The following TGM3 variants were observed in gnomAD, a reference collection of about 807,000 sequenced individuals.
The protein encoded by TGM3 is transglutaminase 3.
TGM3 carries 52 observed loss-of-function variants against 73.8 expected under a neutral mutation model. That is an observed-to-expected ratio of 0.70 (90% CI 0.56 to 0.89). The LOEUF (loss-of-function observed/expected upper bound fraction) is 0.89. Among genes scored for constraint, TGM3 ranks in the 40% least tolerant of loss-of-function variants. The pLI, the probability that TGM3 is intolerant of heterozygous loss-of-function variation, is 0.00. For missense variants in TGM3, 928 were observed against 909.9 expected (o/e 1.02, Z -0.26); for synonymous variants, 372 against 354.9 (o/e 1.05, Z -0.54).
At chr20:2,337,220 G>C (rs557043477) in intron 11 of TGM3, among the ~76,000 whole-genome samples, 1 of 152,144 alleles carries the variant, frequency 6.6e-6, no homozygotes, top group Admixed American at 6.5e-5. Flanking sequence ...ATTCTTCCCT[G>C]CACAGGAAAG....
At chr20:2,313,047 C>A in intron 5 of TGM3, 21 bp downstream of exon 5, 1 of 1,613,868 alleles carries the variant, frequency 6.2e-7, no homozygotes, top group Non-Finnish European at 8.5e-7. Context: ...GGAAAACGAT[C>A]ACAGCTAGTT....
chr20:2,309,818 A>G lies in TGM3; in HGVS notation c.169A>G (p.Ile57Val), dbSNP rs1380515605. ...TGGCTCTAACGAAAGACTGGAGTTC[A>G]TTGTCTCCACAGGTACCTGCTCATT... ...GLGSNERLEF[I>V]VSTGPYPSES... Residue 57 changes from isoleucine (I) to valine (V), a missense_variant, in exon 2 of 13, where the codon ATT becomes GTT. Ile to Val is a conservative substitution (Grantham distance 29). Coordinates refer to ENST00000381458, the MANE Select transcript of TGM3 (RefSeq NM_003245.4). The G allele has an allele frequency of 2.7e-5, 44 of 1,614,210 alleles. No homozygotes were observed. The highest frequency in any genetic ancestry group is 3.7e-5 in the Non-Finnish European group (44 of 1,180,022).
At chr20:2,317,043 T>C (rs2084237040) in intron 5 of TGM3, 25 bp from the exon 6 acceptor site, 1 of 1,610,958 alleles carries the variant, frequency 6.2e-7, no homozygotes, top group Non-Finnish European at 8.5e-7. Context: ...TGCTGACTCA[T>C]TTTGGGGGGG....
At chr20:2,327,520 G>A (rs976432908) in intron 8 of TGM3, among the ~76,000 whole-genome samples, 1 of 152,132 alleles carries the variant, frequency 6.6e-6, no homozygotes, top group African/African-American at 2.4e-5. Flanking sequence ...TTAGACTAAA[G>A]ACCATTGTCC....
In TGM3 at chr20:2,313,095, G is replaced by A. The variant is rs967857966; in HGVS notation, c.669+69G>A. On this transcript the variant is annotated intron_variant, in intron 5 of 12. Coordinates refer to ENST00000381458, the MANE Select transcript of TGM3 (RefSeq NM_003245.4). ...TGAACACCACCTATGAGCTAGGCAC[G>A]CACACTCTTTACATATGTCATCTCA... 706 of 1,591,824 alleles carry A rather than the reference G, an allele frequency of 4.4e-4. 1 individual carries two copies. Among genetic ancestry groups the A allele is most frequent in the Non-Finnish European group, 5.5e-4 (647 of 1,166,312 alleles).
chr20:2,333,202 C>T (rs1345362694), intron 10 of TGM3, among the ~76,000 whole-genome samples: 1 of 152,098 alleles, frequency 6.6e-6, no homozygotes, highest in South Asian at 2.1e-4. Context: ...ATTATACTGC[C>T]CATCTTGAAA....
rs1458331070 is a variant in TGM3 at position 2,334,601 on chromosome 20, T to C, written c.1643-515T>C. 6.6e-6 allele frequency among the ~76,000 whole-genome samples: 1 copy of C among 152,112 alleles called. No individual in the cohort carries two copies. The highest frequency in any genetic ancestry group is 2.4e-5 in the African/African-American group (1 of 41,434). ...ATTATTGTGTTACTGTCATGATTGCTACTGTTGTTGGCAATCAGGTGGCAT... is the reference window on the plus strand; with the variant it reads ...ATTATTGTGTTACTGTCATGATTGCCACTGTTGTTGGCAATCAGGTGGCAT... On this transcript the variant is annotated intron_variant, in intron 10 of 12. Transcript: ENST00000381458. The surrounding 1 kb of genome is among the most constrained non-coding windows in gnomAD (Gnocchi z 4.0).
rs1475103061 is a variant in TGM3 at position 2,332,109 on chromosome 20, C to A, written c.1441C>A (p.Pro481Thr). Residue 481 changes from proline (P) to threonine (T), a missense_variant, in exon 10 of 13, where the codon CCC becomes ACC. Coordinates refer to ENST00000381458, the MANE Select transcript of TGM3 (RefSeq NM_003245.4). The surrounding 1 kb of genome is among the most constrained non-coding windows in gnomAD (Gnocchi z 4.4). ...SMGLETEEQE[P>T]SIIGKLKVAG... The stretch of plus-strand genomic sequence containing the variant: ...GGGTTTGGAAACAGAGGAACAGGAG[C>A]CCAGCATCATCGGGAAGCTGAAGGT... The A allele has an allele frequency of 8.7e-6, 14 of 1,614,082 alleles. No homozygotes were observed. Among genetic ancestry groups the A allele is most frequent in the Non-Finnish European group, 1.2e-5 (14 of 1,180,050 alleles).
At chr20:2,303,805 T>C (rs1218455145) in intron 1 of TGM3, among the ~76,000 whole-genome samples, 1 of 151,300 alleles carries the variant, frequency 6.6e-6, no homozygotes, top group African/African-American at 2.4e-5. Context: ...GGAAAAAAAA[T>C]CTGGGAAATT....
intron 7 of TGM3, among the ~76,000 whole-genome samples, chr20:2,320,229 A>G (rs1201027918): frequency 6.6e-6 from 1 of 152,242 alleles, no homozygotes; most frequent in Non-Finnish European, 1.5e-5. Flanking sequence ...GCCTAAAGTA[A>G]TAGAATGTGA....
chr20:2,335,971 C>T (rs1230346175), intron 11 of TGM3, among the ~76,000 whole-genome samples: 2 of 152,230 alleles, frequency 1.3e-5, no homozygotes, highest in Non-Finnish European at 2.9e-5. Context: ...CCCTCCAAGG[C>T]GTCCTGGTAC....
chr20:2,328,455 C>T lies in TGM3; in HGVS notation c.1333+90C>T. On this transcript the variant is annotated intron_variant, in intron 9 of 12. Transcript: ENST00000381458. This position sits in a 1 kb window ranked among gnomAD's most constrained non-coding sequence, Gnocchi z 5.2. ...TGGAGAGGAGAAAAGTCCTCACCTC[C>T]CCCGCACTGGCAGCCAGTTCTGCCT... is the stretch of plus-strand genomic sequence containing the variant. The T allele has an allele frequency of 6.5e-7, 1 of 1,536,688 alleles. No homozygotes were observed. Among genetic ancestry groups the T allele is most frequent in the Non-Finnish European group, 8.8e-7 (1 of 1,135,878 alleles).
chr20:2,313,401 AGACCC>A, intron 5 of TGM3, among the ~76,000 whole-genome samples: 1 of 152,202 alleles, frequency 6.6e-6, no homozygotes, highest in South Asian at 2.1e-4. Context: ...AAAGGAAGCG[AGACCC>A]TGATTGAGCT....
chr20:2,327,639 T>C (rs567125228), intron 8 of TGM3, among the ~76,000 whole-genome samples: 1 of 152,312 alleles, frequency 6.6e-6, no homozygotes, highest in African/African-American at 2.4e-5. Flanking sequence ...TCTATCTATC[T>C]ATCTAAGCTT....
At chr20:2,320,576 C>G (rs45619944) in intron 7 of TGM3, among the ~76,000 whole-genome samples, 2 of 152,158 alleles carry the variant, frequency 1.3e-5, no homozygotes, top group Admixed American at 6.5e-5. Context: ...ATTTTCTAGG[C>G]CTTTCTTTTA....
At chr20:2,314,231 GA>G (rs2084221893) in intron 5 of TGM3, among the ~76,000 whole-genome samples, 1 of 152,080 alleles carries the variant, frequency 6.6e-6, no homozygotes, top group Non-Finnish European at 1.5e-5. Context: ...AGCTACTCAG[GA>G]GGCTGAGGCA....
intron 1 of TGM3, among the ~76,000 whole-genome samples, chr20:2,307,000 T>C (rs1329307169): frequency 2.0e-5 from 3 of 152,196 alleles, no homozygotes; most frequent in Non-Finnish European, 4.4e-5. Flanking sequence ...TACAGAATGC[T>C]CATTTTCCCC....
intron 7 of TGM3, among the ~76,000 whole-genome samples, chr20:2,322,158 G>A (rs554245905): frequency 1.3e-5 from 2 of 151,916 alleles, no homozygotes; most frequent in Non-Finnish European, 2.9e-5. Context: ...CTGGATCCTG[G>A]AGATCATTTT....
intron 8 of TGM3, among the ~76,000 whole-genome samples, chr20:2,326,373 G>T (rs745675470): frequency 6.6e-6 from 1 of 152,164 alleles, no homozygotes; most frequent in Non-Finnish European, 1.5e-5. Context: ...TCCCCCTTAG[G>T]CAGGCTGCCT....
Sources: gnomAD v4.1 joint callset for allele counts (sites outside exome capture counted in the v4.1 genomes callset) on GRCh38, gnomAD v4.1.1 for gene constraint, Gnocchi (gnomAD v3.1) non-coding constraint, MANE v1.5 for transcripts, NCBI Gene and HGNC (gene_info 2026-07-23, HGNC 2026-07-21) for gene names.